The following PDE4B variants were observed in gnomAD, a reference collection of about 807,000 sequenced individuals.
The protein encoded by PDE4B is phosphodiesterase 4B.
Under a neutral mutation model 82.2 loss-of-function variants are expected in PDE4B, and 20 were observed. The observed-to-expected ratio is 0.24, with a 90% CI of 0.17 to 0.35. PDE4B has a LOEUF of 0.35. Ranked by LOEUF, PDE4B falls within the 10% of genes least tolerant of loss-of-function variation. The pLI, the probability that PDE4B is intolerant of heterozygous loss-of-function variation, is 1.00. For synonymous variants in PDE4B, 320 were observed against 318.9 expected, an observed-to-expected ratio of 1.00 and a Z score of -0.04; for missense variants, 655 against 907.2, an observed-to-expected ratio of 0.72 and a Z score of 3.57.
chr1:65,978,841 C>T (rs1270337846), intron 3 of PDE4B, among the ~76,000 whole-genome samples: 1 of 152,166 alleles, frequency 6.6e-6, no homozygotes, highest in African/African-American at 2.4e-5. Context: ...TTATAGGTCT[C>T]TCACCTTGGC....
chr1:66,337,301 C>T (rs944758788), intron 8 of PDE4B, among the ~76,000 whole-genome samples: 5 of 152,158 alleles, frequency 3.3e-5, no homozygotes, highest in South Asian at 4.2e-4. Context: ...AGGAGTTGGC[C>T]GGGCCAAGGG....
chr1:66,194,966 A>T (rs1287801953), intron 3 of PDE4B, among the ~76,000 whole-genome samples: 1 of 152,170 alleles, frequency 6.6e-6, no homozygotes, highest in Non-Finnish European at 1.5e-5. Flanking sequence ...AGTCATTACC[A>T]TTAGTAATTT....
At chr1:66,203,328 G>C (rs1042585161) in intron 3 of PDE4B, among the ~76,000 whole-genome samples, 11 of 151,956 alleles carry the variant, frequency 7.2e-5, no homozygotes, top group Non-Finnish European at 2.9e-5. Flanking sequence ...TATATGTCTT[G>C]GAGTTGCTCT....
chr1:66,215,516 G>C (rs932446747), intron 3 of PDE4B, among the ~76,000 whole-genome samples: 3 of 152,150 alleles, frequency 2.0e-5, no homozygotes, highest in Non-Finnish European at 4.4e-5. Context: ...GGAGGGAGGA[G>C]TTGTAAGCTG....
At chr1:66,289,298 C>G (rs1181061480) in intron 7 of PDE4B, among the ~76,000 whole-genome samples, 1 of 151,982 alleles carries the variant, frequency 6.6e-6, no homozygotes, top group Non-Finnish European at 1.5e-5. Context: ...AATGGACTTC[C>G]TCTCTTTTGG....
chr1:66,332,531 A>G lies in PDE4B; in HGVS notation c.658A>G (p.Met220Val), dbSNP rs371423323. 49 of 1,614,042 alleles carry G rather than the reference A, an allele frequency of 3.0e-5. No homozygotes were observed. Among genetic ancestry groups the G allele is most frequent in the Non-Finnish European group, 3.4e-5 (40 of 1,180,024 alleles). The change falls in exon 8 of 17, where the codon ATG becomes GTG. Residue 220 changes from methionine (M) to valine (V), a missense_variant. This residue lies in a region of PDE4B where 253 missense variants were observed against 275.6 expected (regional missense o/e 0.92). Coordinates refer to ENST00000341517, the MANE Select transcript of PDE4B (RefSeq NM_002600.4). Reference protein sequence around the residue: ...PQEESYQKLAMETLEELDWCL... With the variant: ...PQEESYQKLAVETLEELDWCL... ...AGAAGAATCTTATCAAAAATTAGCA[A>G]TGGAAACGCTGGAGGAATTAGACTG...
At chr1:66,283,516 C>T (rs1277775728) in intron 7 of PDE4B, among the ~76,000 whole-genome samples, 5 of 151,830 alleles carry the variant, frequency 3.3e-5, no homozygotes, top group South Asian at 2.1e-4. Context: ...TTCTACTATG[C>T]GCAAAGCCCT....
intron 3 of PDE4B, among the ~76,000 whole-genome samples, chr1:65,919,512 T>C (rs1487373011): frequency 1.3e-5 from 2 of 152,212 alleles, no homozygotes; most frequent in Non-Finnish European, 2.9e-5. Flanking sequence ...TCCTTTTCTG[T>C]TTTCCTACAT....
At chr1:66,100,081 T>C (rs1176192731) in intron 3 of PDE4B, among the ~76,000 whole-genome samples, 1 of 152,044 alleles carries the variant, frequency 6.6e-6, no homozygotes, top group Non-Finnish European at 1.5e-5. Context: ...TGAGACAGAG[T>C]CTTGCTCTGT....
chr1:66,356,250 C>T (rs1662230789), intron 9 of PDE4B, among the ~76,000 whole-genome samples: 1 of 152,198 alleles, frequency 6.6e-6, no homozygotes, highest in African/African-American at 2.4e-5. Context: ...CTATTATTCT[C>T]TGTTGTTACA....
chr1:65,945,388 G>A (rs536675286), intron 3 of PDE4B, among the ~76,000 whole-genome samples: 9 of 152,086 alleles, frequency 5.9e-5, no homozygotes, highest in Admixed American at 5.2e-4. Flanking sequence ...GTTGTCATAT[G>A]CTTTGAGTTT....
chr1:66,129,659 C>CAAAAAAAAAAAAAAAAAAAA (rs59846345), intron 3 of PDE4B, among the ~76,000 whole-genome samples: 4 of 94,782 alleles, frequency 4.2e-5, no homozygotes, highest in African/African-American at 1.4e-4. Flanking sequence ...GACTCCGTCT[C>CAAAAAAAAAAAAAAAAAAAA]AAAAAAAAAA....
chr1:65,865,429 C>T (rs1446133891), intron 1 of PDE4B, among the ~76,000 whole-genome samples: 6 of 135,226 alleles, frequency 4.4e-5, no homozygotes, highest in African/African-American at 8.1e-5. Context: ...TGGGGGGTGG[C>T]GGGGAGGGGA....
intron 4 of PDE4B, among the ~76,000 whole-genome samples, chr1:66,248,722 C>T (rs1653517794): frequency 6.6e-6 from 1 of 152,182 alleles, no homozygotes; most frequent in South Asian, 2.1e-4. Flanking sequence ...AAAAGCATAT[C>T]TCATTCTCAA....
intron 3 of PDE4B, among the ~76,000 whole-genome samples, chr1:66,000,111 G>A (rs1281897753): frequency 2.7e-5 from 4 of 150,532 alleles, no homozygotes; most frequent in African/African-American, 1.0e-4. Context: ...CTGTAGTGCT[G>A]TAAAGTAAAT....
chr1:66,248,400 G>A (rs1653492776), intron 4 of PDE4B, among the ~76,000 whole-genome samples: 1 of 152,130 alleles, frequency 6.6e-6, no homozygotes, highest in South Asian at 2.1e-4. Flanking sequence ...AGTATCAGTA[G>A]CTCCCTAAGG....
At chr1:66,250,105 A>C (rs1280311532) in intron 4 of PDE4B, among the ~76,000 whole-genome samples, 2 of 152,184 alleles carry the variant, frequency 1.3e-5, no homozygotes, top group Non-Finnish European at 2.9e-5. Context: ...CTGAATCTGA[A>C]CTAAAGTAAT....
At chr1:65,805,041 T>G (rs1023152170) in intron 1 of PDE4B, among the ~76,000 whole-genome samples, 5 of 151,892 alleles carry the variant, frequency 3.3e-5, no homozygotes, top group African/African-American at 1.2e-4. Context: ...CTCGGCTCAC[T>G]GCAACCTCTG....
intron 6 of PDE4B, 100 bp from the exon 7 acceptor site, chr1:66,265,938 G>A (rs1323331508): frequency 1.2e-6 from 1 of 839,150 alleles, no homozygotes; most frequent in South Asian, 1.4e-5. Context: ...AGTTCATTAT[G>A]ACCTGGAAAA....
Sources: gnomAD v4.1 joint callset for allele counts (sites outside exome capture counted in the v4.1 genomes callset) on GRCh38, gnomAD v4.1.1 for gene constraint, gnomAD v4.1.1 regional missense constraint, MANE v1.5 for transcripts, NCBI Gene and HGNC (gene_info 2026-07-23, HGNC 2026-07-21) for gene names.